Variants in ST7L observed in about 807,000 individuals in gnomAD.
ST7L encodes suppression of tumorigenicity 7 like, also known as suppressor of tumorigenicity 7 protein-like.
Under a neutral mutation model 72.5 loss-of-function variants are expected in ST7L, and 57 were observed. The ratio of observed to expected loss-of-function variants is 0.79; its 90% CI spans 0.64 to 0.98. The LOEUF (loss-of-function observed/expected upper bound fraction) is 0.98. ST7L is among the 50% of genes least tolerant of loss of function. The probability of loss-of-function intolerance (pLI) is 0.00; values close to 1 mark genes in which losing one functional copy is unlikely to be tolerated. For synonymous variants in ST7L, 221 were observed against 240.9 expected (o/e 0.92, Z 0.77); for missense variants, 576 against 672.2 (o/e 0.86, Z 1.58).
At chr1:112,545,398 G>A (rs968584978) in intron 13 of ST7L, among the ~76,000 whole-genome samples, 3 of 152,100 alleles carry the variant, frequency 2.0e-5, no homozygotes, top group Non-Finnish European at 2.9e-5. Context: ...ATTTACAAAG[G>A]AGGGCATTAT....
At chr1:112,588,564 T>C (rs762789759) in intron 6 of ST7L, among the ~76,000 whole-genome samples, 12 of 152,216 alleles carry the variant, frequency 7.9e-5, no homozygotes, top group Non-Finnish European at 1.3e-4. Context: ...GGTCTACTAA[T>C]GTGGAGTATT....
chr1:112,520,196 T>C, downstream of ST7L: 1 of 1,371,168 alleles, frequency 7.3e-7, no homozygotes, highest in South Asian at 1.3e-5. Context: ...ATTCTTTTTA[T>C]CTTCCTTCTG....
At chr1:112,609,270 G>A (rs765647732) in intron 3 of ST7L, among the ~76,000 whole-genome samples, 3 of 152,210 alleles carry the variant, frequency 2.0e-5, no homozygotes, top group South Asian at 2.1e-4. Context: ...AGTGGCTCAC[G>A]CCTGTAATCC....
In ST7L at chr1:112,570,126, C is replaced by T. The variant is rs116810608; in HGVS notation, c.1245+6860G>A. Among the ~76,000 whole-genome samples the T allele has an allele frequency of 5.2e-3, 796 of 152,070 alleles. 4 individuals carry two copies. The highest frequency in any genetic ancestry group is 0.018 in the African/African-American group (759 of 41,488). ...CATATAGTAGCTGAAAGATAAACGA[C>T]CGTTTTTGTGTTTGGCAACTAAAAA... On this transcript the variant is annotated intron_variant, in intron 11 of 14. Coordinates refer to ENST00000358039, the MANE Select transcript of ST7L (RefSeq NM_017744.5).
chr1:112,557,231 T>A (rs1435340976), intron 11 of ST7L, among the ~76,000 whole-genome samples: 3 of 152,086 alleles, frequency 2.0e-5, no homozygotes, highest in Non-Finnish European at 4.4e-5. Flanking sequence ...TCCTGTACCC[T>A]TTAGTTACAA....
chr1:112,619,622 A>G, upstream of ST7L: 1 of 559,832 alleles, frequency 1.8e-6, no homozygotes. Flanking sequence ...CTCATTGGGA[A>G]AGATATTAGA....
chr1:112,577,454 C>A (rs924842550), intron 10 of ST7L, among the ~76,000 whole-genome samples: 1 of 141,226 alleles, frequency 7.1e-6, no homozygotes, highest in East Asian at 2.3e-4. Context: ...CACTTGTACC[C>A]GGGAGGCAGA....
intron 11 of ST7L, among the ~76,000 whole-genome samples, chr1:112,569,640 A>G (rs557220488): frequency 6.6e-6 from 1 of 152,234 alleles, no homozygotes; most frequent in Non-Finnish European, 1.5e-5. Context: ...AGTGAATTTT[A>G]TAGTATGTAA....
At chr1:112,615,505 T>C (rs1669731662) in intron 2 of ST7L, among the ~76,000 whole-genome samples, 1 of 152,170 alleles carries the variant, frequency 6.6e-6, no homozygotes, top group East Asian at 1.9e-4. Context: ...GTCTTCCCAA[T>C]GTTGCCAATA....
At chr1:112,526,332 C>A (rs1653384793) in intron 14 of ST7L, 2 of 459,844 alleles carry the variant, frequency 4.3e-6, no homozygotes, top group Non-Finnish European at 7.6e-6. Flanking sequence ...TAATTCTACT[C>A]CTTTTTTCCC....
At chr1:112,552,438 C>T (rs1658373719) in intron 12 of ST7L, among the ~76,000 whole-genome samples, 3 of 152,014 alleles carry the variant, frequency 2.0e-5, no homozygotes, top group Admixed American at 6.6e-5. Context: ...GAGTTTTGCT[C>T]TTGTTGCCCA....
intron 14 of ST7L, chr1:112,539,710 T>C (rs1655804412): frequency 1.1e-6 from 1 of 948,494 alleles, no homozygotes; most frequent in African/African-American, 1.8e-5. Context: ...AAACTGCCCA[T>C]ACCACAGTCA....
chr1:112,581,865 CCT>C, intron 9 of ST7L, 125 bp downstream of exon 9: 1 of 690,932 alleles, frequency 1.4e-6, no homozygotes, highest in East Asian at 2.8e-5. Context: ...TAAATAGCAA[CCT>C]CTGAGTGCTA....
intron 14 of ST7L, 127 bp from the exon 15 acceptor site, chr1:112,526,238 C>CAAAAGAGCCATTGG: frequency 7.6e-7 from 1 of 1,319,074 alleles, no homozygotes; most frequent in Non-Finnish European, 1.0e-6. Flanking sequence ...CAACCAATGG[C>CAAAAGAGCCATTGG]TCTTTTGCCA....
intron 13 of ST7L, among the ~76,000 whole-genome samples, chr1:112,543,569 T>C (rs1353390088): frequency 6.7e-6 from 1 of 149,984 alleles, no homozygotes; most frequent in African/African-American, 2.5e-5. Flanking sequence ...GTAAATTAAT[T>C]AATAAATAAA....
At chr1:112,556,041 C>A in intron 11 of ST7L, 23 bp from the exon 12 acceptor site, 3 of 1,445,804 alleles carry the variant, frequency 2.1e-6, no homozygotes, top group Non-Finnish European at 2.8e-6. Flanking sequence ...CACACAGACA[C>A]ATATACACAC....
chr1:112,539,435 C>T (rs1396995136), intron 14 of ST7L, among the ~76,000 whole-genome samples: 1 of 152,060 alleles, frequency 6.6e-6, no homozygotes, highest in East Asian at 1.9e-4. Flanking sequence ...GTGGGTTGAT[C>T]ACTTGAGGTC....
chr1:112,569,399 T>C (rs952271008), intron 11 of ST7L, among the ~76,000 whole-genome samples: 1 of 152,160 alleles, frequency 6.6e-6, no homozygotes, highest in African/African-American at 2.4e-5. Flanking sequence ...AGTACTGACA[T>C]ATGCTACATT....
At chr1:112,616,960 T>C (rs1184242712) in intron 1 of ST7L, 65 bp from the exon 2 acceptor site, 1 of 1,106,476 alleles carries the variant, frequency 9.0e-7, no homozygotes, top group Non-Finnish European at 1.3e-6. Flanking sequence ...GTTACAAATA[T>C]GCAAGTATCT....
Sources: gnomAD v4.1 joint callset for allele counts (sites outside exome capture counted in the v4.1 genomes callset) on GRCh38, gnomAD v4.1.1 for gene constraint, MANE v1.5 for transcripts, NCBI Gene and HGNC (gene_info 2026-07-23, HGNC 2026-07-21) for gene names.